CIMIP1: variants seen among roughly 807,000 people sequenced by gnomAD.
The protein encoded by CIMIP1 is low in lung cancer 1.
the CIMIP1 span, among the ~76,000 whole-genome samples, chr20:58,152,441 A>T: frequency 2.0e-5 from 3 of 148,564 alleles, no homozygotes; most frequent in Admixed American, 1.3e-4. Context: ...AAAAAAAAAG[A>T]TTATTTAAGT....
the CIMIP1 span, among the ~76,000 whole-genome samples, chr20:58,156,125 A>G: frequency 6.6e-6 from 1 of 152,232 alleles, no homozygotes; most frequent in Non-Finnish European, 1.5e-5. Flanking sequence ...TTGGGAAAAC[A>G]GTAATGAACA....
At chr20:58,151,136 T>A in the CIMIP1 span, 1 of 1,119,160 alleles carries the variant, frequency 8.9e-7, no homozygotes, top group Non-Finnish European at 1.3e-6. Flanking sequence ...GATCGACCAC[T>A]AAACTCGAGG....
chr20:58,157,784 C>T, the CIMIP1 span, among the ~76,000 whole-genome samples: 1 of 152,182 alleles, frequency 6.6e-6, no homozygotes, highest in Non-Finnish European at 1.5e-5. Context: ...GGTGATTGTT[C>T]AGATGAAATG....
At chr20:58,160,898 G>C in the CIMIP1 span, 1 of 1,505,848 alleles carries the variant, frequency 6.6e-7, no homozygotes. Flanking sequence ...GAAAGGAAGA[G>C]CTCCCCTGAA....
chr20:58,152,951 A>G, the CIMIP1 span, among the ~76,000 whole-genome samples: 2 of 152,184 alleles, frequency 1.3e-5, no homozygotes, highest in Non-Finnish European at 2.9e-5. Flanking sequence ...AAGATAGAAG[A>G]AACTAGAAAA....
At chr20:58,156,423 G>T in the CIMIP1 span, among the ~76,000 whole-genome samples, 6 of 152,028 alleles carry the variant, frequency 3.9e-5, no homozygotes, top group South Asian at 1.0e-3. Context: ...AAGGCAAGGC[G>T]ATGCGACAGG....
chr20:58,160,673 C>T, the CIMIP1 span: 2 of 1,613,634 alleles, frequency 1.2e-6, no homozygotes, highest in Non-Finnish European at 1.7e-6. Context: ...CTTTCCATCC[C>T]CCCCAGTCCC....
At chr20:58,152,722 CAA>C in the CIMIP1 span, among the ~76,000 whole-genome samples, 7,643 of 85,024 alleles carry the variant, frequency 0.09, 402 homozygotes, top group African/African-American at 0.2. Flanking sequence ...GAAACTCCAT[CAA>C]AAAAAAAAAA....
At chr20:58,154,751 C>T in the CIMIP1 span, among the ~76,000 whole-genome samples, 3 of 152,070 alleles carry the variant, frequency 2.0e-5, no homozygotes, top group Non-Finnish European at 4.4e-5. Context: ...GGGGAGTGGA[C>T]GCTCTCCTCT....
At chr20:58,154,441 C>G in the CIMIP1 span, among the ~76,000 whole-genome samples, 1 of 152,366 alleles carries the variant, frequency 6.6e-6, no homozygotes, top group Admixed American at 6.5e-5. Context: ...TCTGCAACCT[C>G]TCAAACTTCA....
At chr20:58,158,805 A>G in the CIMIP1 span, among the ~76,000 whole-genome samples, 1 of 152,118 alleles carries the variant, frequency 6.6e-6, no homozygotes, top group Non-Finnish European at 1.5e-5. Flanking sequence ...CTCCCTCTGG[A>G]CCCCTGGAGC....
chr20:58,160,872 C>T, the CIMIP1 span: 1 of 1,569,578 alleles, frequency 6.4e-7, no homozygotes, highest in South Asian at 1.1e-5. Flanking sequence ...CACCAGGCAC[C>T]CAGGGCCATG....
At chr20:58,153,666 T>C in the CIMIP1 span, 1 of 1,355,492 alleles carries the variant, frequency 7.4e-7, no homozygotes, top group Non-Finnish European at 1.1e-6. Context: ...ACAGAATCAA[T>C]CATTTCAAAG....
At chr20:58,154,911 A>T in the CIMIP1 span, among the ~76,000 whole-genome samples, 1 of 152,202 alleles carries the variant, frequency 6.6e-6, no homozygotes, top group Admixed American at 6.5e-5. Flanking sequence ...GGCTGAAGCC[A>T]TCCTGTCACC....
At chr20:58,158,882 T>C in the CIMIP1 span, among the ~76,000 whole-genome samples, 1 of 152,218 alleles carries the variant, frequency 6.6e-6, no homozygotes, top group African/African-American at 2.4e-5. Flanking sequence ...GGCCTCATTT[T>C]CTTATTACAC....
the CIMIP1 span, chr20:58,155,402 A>G: frequency 7.7e-7 from 1 of 1,303,468 alleles, no homozygotes; most frequent in South Asian, 1.3e-5. Context: ...GTCTCTGGGG[A>G]TTCTGTTTCA....
the CIMIP1 span, among the ~76,000 whole-genome samples, chr20:58,151,895 A>G: frequency 6.6e-6 from 1 of 152,322 alleles, no homozygotes; most frequent in East Asian, 1.9e-4. Context: ...TTGGCATGCT[A>G]TCTGCTACGT....
the CIMIP1 span, chr20:58,160,865 C>G: frequency 6.3e-7 from 1 of 1,580,034 alleles, no homozygotes. Flanking sequence ...TATCGGTCAC[C>G]AGGCACCCAG....
the CIMIP1 span, among the ~76,000 whole-genome samples, chr20:58,156,243 G>A: frequency 1.6e-4 from 25 of 152,174 alleles, no homozygotes; most frequent in Non-Finnish European, 2.9e-4. Flanking sequence ...GAAACAGGCC[G>A]GTGGTGTGTC....
Sources: gnomAD v4.1 joint callset for allele counts (sites outside exome capture counted in the v4.1 genomes callset) on GRCh38, gnomAD v4.1.1 for gene constraint, MANE v1.5 for transcripts, NCBI Gene and HGNC (gene_info 2026-07-23, HGNC 2026-07-21) for gene names.